BANK1: variants seen among roughly 807,000 people sequenced by gnomAD.
The protein encoded by BANK1 is B cell scaffold protein with ankyrin repeats 1.
A neutral mutation model predicts 94.5 loss-of-function variants in BANK1; 95 were observed. The ratio of observed to expected loss-of-function variants is 1.00; its 90% confidence interval spans 0.85 to 1.19. BANK1 has a LOEUF of 1.19. BANK1 is among the 50% of genes most tolerant of loss of function. The pLI, the probability that BANK1 is intolerant of heterozygous loss-of-function variation, is 0.00. For missense variants in BANK1, 987 were observed against 932.2 expected (o/e 1.06, Z -0.77); for synonymous variants, 334 against 308.4 (o/e 1.08, Z -0.87).
At chr4:102,072,210 C>A in intron 14 of BANK1, 135 bp from the exon 15 acceptor site, 1 of 727,848 alleles carries the variant, frequency 1.4e-6, no homozygotes, top group Non-Finnish European at 2.3e-6. Flanking sequence ...TCGGTATCCC[C>A]CTTTTATCTT....
intron 7 of BANK1, among the ~76,000 whole-genome samples, chr4:102,006,623 G>T (rs1003720475): frequency 6.6e-6 from 1 of 151,942 alleles, no homozygotes; most frequent in African/African-American, 2.4e-5. Context: ...AAGACACAAG[G>T]CATGGATGTT....
chr4:101,860,351 G>A (rs1232981796), intron 3 of BANK1, among the ~76,000 whole-genome samples: 1 of 152,250 alleles, frequency 6.6e-6, no homozygotes, highest in African/African-American at 2.4e-5. Flanking sequence ...CCTCATTTGG[G>A]GTGGTCAGTG....
intron 1 of BANK1, among the ~76,000 whole-genome samples, chr4:101,791,904 A>C (rs763373448): frequency 1.3e-5 from 2 of 152,222 alleles, no homozygotes; most frequent in Non-Finnish European, 2.9e-5. Flanking sequence ...CTTAGAGCCC[A>C]TAACTTAATA....
chr4:101,886,821 T>C (rs987910515), intron 5 of BANK1, among the ~76,000 whole-genome samples: 2 of 151,888 alleles, frequency 1.3e-5, no homozygotes, highest in African/African-American at 2.4e-5. Context: ...ACTCCAGAAG[T>C]GTATTAAGAA....
chr4:101,864,541 A>G, intron 4 of BANK1, among the ~76,000 whole-genome samples: 1 of 152,196 alleles, frequency 6.6e-6, no homozygotes, highest in South Asian at 2.1e-4. Context: ...TGAACCCATT[A>G]GAGAACTAAA....
intron 2 of BANK1, among the ~76,000 whole-genome samples, chr4:101,843,514 T>C (rs1727135064): frequency 6.6e-6 from 1 of 152,242 alleles, no homozygotes. Context: ...TTAGGAATGC[T>C]TTCCCATAAC....
chr4:101,878,217 C>A (rs1014380325), intron 5 of BANK1, among the ~76,000 whole-genome samples: 1 of 151,694 alleles, frequency 6.6e-6, no homozygotes, highest in Non-Finnish European at 1.5e-5. Flanking sequence ...ACAAGAAATG[C>A]ACTCTATAAA....
At chr4:101,864,580 AC>A (rs1417245608) in intron 4 of BANK1, among the ~76,000 whole-genome samples, 1 of 152,150 alleles carries the variant, frequency 6.6e-6, no homozygotes, top group Non-Finnish European at 1.5e-5. Flanking sequence ...CAGGTGTGAT[AC>A]CTTTCCTCAC....
At chr4:101,848,978 C>G (rs542138152) in intron 2 of BANK1, among the ~76,000 whole-genome samples, 1 of 152,156 alleles carries the variant, frequency 6.6e-6, no homozygotes, top group Non-Finnish European at 1.5e-5. Context: ...TGCTGAGCCA[C>G]GGAGGCAACT....
intron 6 of BANK1, among the ~76,000 whole-genome samples, chr4:101,896,968 T>C (rs555508120): frequency 1.3e-5 from 2 of 152,034 alleles, no homozygotes; most frequent in South Asian, 4.1e-4. Flanking sequence ...TTTTCTGGCT[T>C]GAATAATGTT....
chr4:101,878,080 A>G (rs908067378), intron 5 of BANK1, among the ~76,000 whole-genome samples: 2 of 152,160 alleles, frequency 1.3e-5, no homozygotes, highest in Non-Finnish European at 2.9e-5. Context: ...CAAATATCAA[A>G]ATAGCAGGAT....
chr4:101,834,218 C>G (rs1250686788), intron 2 of BANK1, among the ~76,000 whole-genome samples: 1 of 152,112 alleles, frequency 6.6e-6, no homozygotes, highest in Non-Finnish European at 1.5e-5. Context: ...TATTTCTATT[C>G]ATGCTCGGTA....
At position 101,829,984 on chromosome 4, in the gene BANK1, T is replaced by G. The variant is rs1726546136; in HGVS notation, c.247T>G (p.Leu83Val). The G allele has an allele frequency of 1.2e-6, 2 of 1,613,466 alleles. No individual in the cohort carries two copies. The highest frequency in any genetic ancestry group is 1.3e-5 in the African/African-American group (1 of 74,910). The change falls in exon 2 of 17, where the codon TTG becomes GTG. Residue 83 changes from leucine to valine, a missense_variant. By Grantham distance (32) the Leu-to-Val change is conservative (BLOSUM62 1). Transcript: ENST00000322953. ...CTTAACGTCTTACAAATGTAAACTT[T>G]TGATATTATCAAATAGCCTGCTTAG... ...LNLTSYKCKLLILSNSLLRDL... is the reference protein window; with the variant it reads ...LNLTSYKCKLVILSNSLLRDL...
At chr4:102,044,023 C>A in intron 11 of BANK1, 116 bp downstream of exon 11, 1 of 570,298 alleles carries the variant, frequency 1.8e-6, no homozygotes, top group Non-Finnish European at 3.1e-6. Flanking sequence ...CTTTATAAAT[C>A]TTACTCTTTT....
At chr4:101,796,146 A>G (rs1257164910) in intron 1 of BANK1, among the ~76,000 whole-genome samples, 2 of 152,236 alleles carry the variant, frequency 1.3e-5, no homozygotes, top group Non-Finnish European at 2.9e-5. Flanking sequence ...ATGCATAAGT[A>G]GAAAGAAACT....
chr4:101,984,218 T>C (rs1243656094), intron 7 of BANK1, among the ~76,000 whole-genome samples: 1 of 152,058 alleles, frequency 6.6e-6, no homozygotes, highest in South Asian at 2.1e-4. Flanking sequence ...AAAAGAGGAA[T>C]GAAAAGTTAA....
intron 2 of BANK1, among the ~76,000 whole-genome samples, chr4:101,843,520 A>C (rs1046313270): frequency 6.6e-6 from 1 of 152,196 alleles, no homozygotes; most frequent in Admixed American, 6.5e-5. Flanking sequence ...ATGCTTTCCC[A>C]TAACCCTGGA....
rs954656541 is a variant in BANK1 at position 101,874,228 on chromosome 4, C to T, written c.903+3584C>T. Among the ~76,000 whole-genome samples the T allele has an allele frequency of 2.4e-4, 36 of 152,098 alleles. 1 individual carries two copies. The highest frequency in any genetic ancestry group is 2.4e-3 in the Admixed American group (36 of 15,276). On this transcript the variant is annotated intron_variant, in intron 5 of 16. Transcript: ENST00000322953. ...ATTTGCTGCCTGCAAATATTTGATACAATGTAAAGCCAAATGGGTTTTGAA... is the reference window on the plus strand; with the variant it reads ...ATTTGCTGCCTGCAAATATTTGATATAATGTAAAGCCAAATGGGTTTTGAA...
chr4:102,054,447 A>G (rs1217445943), intron 11 of BANK1, among the ~76,000 whole-genome samples: 3 of 152,094 alleles, frequency 2.0e-5, no homozygotes, highest in Non-Finnish European at 4.4e-5. Flanking sequence ...ACTGGAGTTT[A>G]CAAAAATGGA....
Sources: gnomAD v4.1 joint callset for allele counts (sites outside exome capture counted in the v4.1 genomes callset) on GRCh38, gnomAD v4.1.1 for gene constraint, MANE v1.5 for transcripts, NCBI Gene and HGNC (gene_info 2026-07-23, HGNC 2026-07-21) for gene names.